Variants in DMD observed in about 807,000 individuals in gnomAD.
The protein encoded by DMD is dystrophin, also known as mutant dystrophin.
In DMD, 63 loss-of-function variants were observed where a neutral mutation model predicts 330.1. The observed-to-expected ratio is 0.19, with a 90% CI of 0.16 to 0.24. The LOEUF (loss-of-function observed/expected upper bound fraction) is 0.24, where lower values mean the gene tolerates loss of function less well. Ranked by LOEUF, DMD falls within the 10% of genes least tolerant of loss-of-function variation. DMD has a pLI of 1.00. For synonymous variants in DMD, 1,223 were observed against 959.8 expected, an observed-to-expected ratio of 1.27 and a Z score of -5.07; for missense variants, 3,344 against 2,684.1, an observed-to-expected ratio of 1.25 and a Z score of -5.43.
At chrX:32,974,528 C>T (rs1453408157) in intron 2 of DMD, among the ~76,000 whole-genome samples, 1 of 111,596 alleles carries the variant, frequency 9.0e-6, no homozygotes, top group African/African-American at 3.3e-5. Flanking sequence ...CCCTTGAGGT[C>T]TTCTGATGTT....
At chrX:33,267,958 C>A (rs1161057377) in intron 1 of DMD, among the ~76,000 whole-genome samples, 1 of 109,793 alleles carries the variant, frequency 9.1e-6, no homozygotes, top group Non-Finnish European at 1.9e-5. Flanking sequence ...TAGAAACAAA[C>A]CTAGGAAATG....
chrX:31,931,484 T>A (rs1216390100), intron 46 of DMD, among the ~76,000 whole-genome samples: 2 of 110,293 alleles, frequency 1.8e-5, no homozygotes, highest in African/African-American at 6.6e-5. Flanking sequence ...CAACACCACG[T>A]CCCACACCCC....
chrX:31,352,749 G>A (rs2058494537), intron 60 of DMD, among the ~76,000 whole-genome samples: 1 of 112,013 alleles, frequency 8.9e-6, no homozygotes, highest in African/African-American at 3.2e-5. Context: ...GGTTTTGTGT[G>A]GATTGAATGC....
At chrX:32,676,778 A>T (rs1304575966) in intron 9 of DMD, among the ~76,000 whole-genome samples, 1 of 111,388 alleles carries the variant, frequency 9.0e-6, no homozygotes, top group Non-Finnish European at 1.9e-5. Flanking sequence ...TTGAGGTATG[A>T]TGTCCTCTGA....
At chrX:33,240,693 G>C (rs780123139) in intron 1 of DMD, among the ~76,000 whole-genome samples, 2 of 111,508 alleles carry the variant, frequency 1.8e-5, no homozygotes, top group Admixed American at 9.6e-5. Flanking sequence ...GGTGTGCAAG[G>C]GTTCCCTTTT....
intron 47 of DMD, among the ~76,000 whole-genome samples, chrX:31,911,623 T>C (rs751587514): frequency 4.5e-5 from 5 of 111,568 alleles, no homozygotes; most frequent in Admixed American, 2.9e-4. Context: ...TCAAAATGGA[T>C]TGTAAAGAAG....
At chrX:32,716,262 G>A (rs757686193) in intron 7 of DMD, among the ~76,000 whole-genome samples, 1 of 110,973 alleles carries the variant, frequency 9.0e-6, no homozygotes, top group South Asian at 3.9e-4. Flanking sequence ...GGAGATGATA[G>A]GATCATGAGG....
At chrX:32,852,965 T>C (rs185427908) in intron 2 of DMD, among the ~76,000 whole-genome samples, 1 of 111,340 alleles carries the variant, frequency 9.0e-6, no homozygotes, top group African/African-American at 3.3e-5. Flanking sequence ...AAAGACAGGA[T>C]CCTAAAAGCA....
At chrX:31,489,422 T>G (rs2069080012) in intron 57 of DMD, among the ~76,000 whole-genome samples, 1 of 112,283 alleles carries the variant, frequency 8.9e-6, no homozygotes, top group South Asian at 3.7e-4. Context: ...CATGAGCCAC[T>G]GCACCCGGCC....
At chrX:33,216,869 C>A (rs182828279) in intron 1 of DMD, among the ~76,000 whole-genome samples, 2 of 110,753 alleles carry the variant, frequency 1.8e-5, no homozygotes, top group Non-Finnish European at 3.8e-5. Context: ...ATATGGTAAA[C>A]GTAAAGTGAA....
intron 1 of DMD, among the ~76,000 whole-genome samples, chrX:33,230,711 A>G (rs905032404): frequency 1.4e-4 from 16 of 110,732 alleles, no homozygotes; most frequent in Admixed American, 9.7e-5. Context: ...CTTGCTCTTA[A>G]TTATTTGTTT....
chrX:31,907,658 C>T (rs1206668514), intron 47 of DMD, among the ~76,000 whole-genome samples: 2 of 111,941 alleles, frequency 1.8e-5, no homozygotes, highest in African/African-American at 6.5e-5. Flanking sequence ...AAGGCATGGG[C>T]AAGGACTTCA....
Position 32,768,068 on chromosome X carries a change from A to C in DMD, c.649+41425T>G, listed in dbSNP as rs139733296. Among the ~76,000 whole-genome samples the C allele has an allele frequency of 8.4e-3, 945 of 112,386 alleles. 6 individuals carry two copies. The highest frequency in any genetic ancestry group is 0.028 in the African/African-American group (877 of 31,004). ...AAATATTCTGTCAAAGTCAATTTAC[A>C]TAATGGTGAGATTAAAGTAAAACTA... On this transcript the variant is annotated intron_variant, in intron 7 of 78. Coordinates refer to ENST00000357033, the MANE Select transcript of DMD (RefSeq NM_004006.3).
At chrX:32,832,589 A>T (rs975551530) in intron 4 of DMD, among the ~76,000 whole-genome samples, 5 of 111,578 alleles carry the variant, frequency 4.5e-5, no homozygotes, top group African/African-American at 1.6e-4. Context: ...TATTCAAGAG[A>T]AACTTCTCAA....
At chrX:32,475,130 TG>T (rs1367191310) in intron 21 of DMD, among the ~76,000 whole-genome samples, 1 of 111,276 alleles carries the variant, frequency 9.0e-6, no homozygotes, top group South Asian at 3.8e-4. Flanking sequence ...CTTTACTGTA[TG>T]TTTTTGTTTG....
chrX:31,401,890 T>A (rs2061207333), intron 60 of DMD, among the ~76,000 whole-genome samples: 1 of 111,462 alleles, frequency 9.0e-6, no homozygotes, highest in Non-Finnish European at 1.9e-5. Context: ...GCTCTCTTAC[T>A]ACAACACCCT....
Position 33,009,260 on chromosome X carries a change from G to GTGCATATATGTGTA in DMD, c.93+10878_93+10879insTACACATATATGCA, listed in dbSNP as rs2093524000. ...TATACACATGTGCATATATGTGTAT[G>GTGCATATATGTGTA]TGTGTATATATACACATATGTGTAT... On this transcript the variant is annotated intron_variant, in intron 2 of 78. Transcript: ENST00000357033. Among the ~76,000 whole-genome samples the GTGCATATATGTGTA allele has an allele frequency of 1.9e-4, 5 of 25,862 alleles. 1 individual carries two copies. Among genetic ancestry groups the GTGCATATATGTGTA allele is most frequent in the Non-Finnish European group, 3.7e-4 (5 of 13,670 alleles). 22.5% of individuals were successfully genotyped at this position (25,862 alleles called of 115,157 possible). A position where few individuals can be genotyped will look rare whatever the true frequency, so the allele number is the denominator to read the frequency against.
intron 13 of DMD, among the ~76,000 whole-genome samples, chrX:32,593,127 C>G (rs1359585618): frequency 1.8e-5 from 2 of 112,687 alleles, no homozygotes; most frequent in Admixed American, 9.3e-5. Context: ...TGCAAGGAGC[C>G]CAGCGGGCAC....
chrX:31,214,926 A>ATT (rs1556299003), intron 64 of DMD, among the ~76,000 whole-genome samples: 6 of 57,248 alleles, frequency 1.0e-4, no homozygotes, highest in African/African-American at 3.8e-4. Context: ...ATACTTTTTT[A>ATT]TTTCTTTTTT....
Sources: gnomAD v4.1 joint callset for allele counts (sites outside exome capture counted in the v4.1 genomes callset) on GRCh38, gnomAD v4.1.1 for gene constraint, MANE v1.5 for transcripts, NCBI Gene and HGNC (gene_info 2026-07-23, HGNC 2026-07-21) for gene names.